TMCC2: variants seen among roughly 807,000 people sequenced by gnomAD.
TMCC2 encodes the protein transmembrane and coiled-coil domains protein 2.
TMCC2 carries 16 observed loss-of-function variants against 49.4 expected under a neutral mutation model. The ratio of observed to expected loss-of-function variants is 0.32; its 90% CI spans 0.22 to 0.49. The LOEUF (loss-of-function observed/expected upper bound fraction) is 0.49, where lower values mean the gene tolerates loss of function less well. Ranked by LOEUF, TMCC2 falls within the 20% of genes least tolerant of loss-of-function variation. The pLI is 0.99. For synonymous variants in TMCC2, 397 were observed against 434.1 expected (o/e 0.91, Z 1.06); for missense variants, 762 against 989.8 (o/e 0.77, Z 3.09).
chr1:205,270,676 C>T (rs1020508565), intron 3 of TMCC2, among the ~76,000 whole-genome samples: 3 of 152,226 alleles, frequency 2.0e-5, no homozygotes, highest in Admixed American at 2.0e-4. Context: ...TTTGTGCCTT[C>T]AGAGCCGGGA....
intron 1 of TMCC2, chr1:205,230,309 C>A: frequency 2.2e-6 from 1 of 445,694 alleles, no homozygotes; most frequent in Non-Finnish European, 3.0e-6. Flanking sequence ...CTGGTTCTGC[C>A]GCCGTCCTTT....
At chr1:205,263,787 T>C (rs1661212563) in intron 2 of TMCC2, among the ~76,000 whole-genome samples, 1 of 152,194 alleles carries the variant, frequency 6.6e-6, no homozygotes, top group Non-Finnish European at 1.5e-5. Flanking sequence ...CTGTGGTTGA[T>C]AACCACTGAT....
chr1:205,243,065 C>T (rs1401166862), intron 2 of TMCC2, among the ~76,000 whole-genome samples: 3 of 152,284 alleles, frequency 2.0e-5, no homozygotes, highest in Non-Finnish European at 2.9e-5. Flanking sequence ...ACTGGCAGGA[C>T]GAGGTTCCTC....
intron 1 of TMCC2, 135 bp downstream of exon 1, chr1:205,228,906 T>G (rs1413941278): frequency 7.0e-7 from 1 of 1,437,172 alleles, no homozygotes; most frequent in Non-Finnish European, 9.1e-7. Flanking sequence ...GATGCTTTGC[T>G]GGCACCCCAG....
In TMCC2 at chr1:205,232,979, CAAAAAACAACAACCGAAAAAAAAAA is replaced by C. The variant is rs1291360033; in HGVS notation, c.207+4216_207+4240del. 6.8e-5 allele frequency among the ~76,000 whole-genome samples: 5 copies of C among 73,724 alleles called. No individual in the cohort carries two copies. The East Asian group carries it at 1.9e-3, about 28-fold the overall frequency. 48.4% of individuals were successfully genotyped at this position (73,724 alleles called of 152,430 possible). A position where few individuals can be genotyped will look rare whatever the true frequency, so the allele number is the denominator to read the frequency against. On this transcript the variant is annotated intron_variant, in intron 1 of 4. Coordinates refer to ENST00000358024, the MANE Select transcript of TMCC2 (RefSeq NM_014858.4). ...AAAAAAACACAAAAAAACACACACA[CAAAAAACAACAACCGAAAAAAAAAA>C]AAAAAACCACAACGTGTGGTAGATA...
intron 2 of TMCC2, among the ~76,000 whole-genome samples, chr1:205,263,417 A>G (rs989355364): frequency 6.6e-6 from 1 of 152,182 alleles, no homozygotes; most frequent in African/African-American, 2.4e-5. Context: ...GGCCGAGTGC[A>G]GCTTGGCTCA....
chr1:205,256,272 C>G, intron 2 of TMCC2: 1 of 1,542,116 alleles, frequency 6.5e-7, no homozygotes, highest in Non-Finnish European at 8.7e-7. Context: ...AGAGATCCAG[C>G]AGGCCCCAGG....
intron 2 of TMCC2, chr1:205,257,283 C>T (rs1410122596): frequency 1.4e-5 from 17 of 1,232,170 alleles, no homozygotes; most frequent in Admixed American, 4.2e-5. Flanking sequence ...CCCCGGGGGC[C>T]TGACACAGTC....
chr1:205,245,448 G>T (rs983674426), intron 2 of TMCC2, among the ~76,000 whole-genome samples: 1 of 152,172 alleles, frequency 6.6e-6, no homozygotes, highest in Admixed American at 6.5e-5. Context: ...ACATTTGGGG[G>T]ATGTGAGGCC....
Position 205,228,365 on chromosome 1 carries a change from A to G in TMCC2, c.-200A>G, listed in dbSNP as rs113745983. 547 of 534,144 alleles carry G rather than the reference A, an allele frequency of 1.0e-3. No homozygotes were observed. The highest frequency in any genetic ancestry group is 1.4e-3 in the Non-Finnish European group (422 of 298,752). The allele number at this position is 534,144 out of a possible 1,614,324, so 33.1% of individuals were successfully genotyped here. The stretch of plus-strand genomic sequence containing the variant: ...AGGTCGAAATGAACTATTCCAAGCT[A>G]TAACCAAGGCTCCCCCTTCTCGCCC... On this transcript the variant is annotated 5_prime_UTR_variant, in exon 1 of 5. Transcript: ENST00000358024.
intron 2 of TMCC2, among the ~76,000 whole-genome samples, chr1:205,252,658 A>G (rs1293760323): frequency 3.3e-5 from 5 of 152,220 alleles, no homozygotes; most frequent in African/African-American, 9.6e-5. Flanking sequence ...CCTCACTGGC[A>G]GATTTTCACA....
At chr1:205,248,978 C>T (rs775952664) in intron 2 of TMCC2, among the ~76,000 whole-genome samples, 3 of 152,182 alleles carry the variant, frequency 2.0e-5, no homozygotes, top group South Asian at 2.1e-4. Context: ...AGAAGCAGCA[C>T]GGGGCAGAGC....
chr1:205,246,426 G>C, intron 2 of TMCC2: 2 of 1,260,004 alleles, frequency 1.6e-6, no homozygotes, highest in Non-Finnish European at 2.1e-6. Context: ...GGAGTTCTGG[G>C]GAGAGATCCA....
chr1:205,235,904 C>A (rs1206450577), intron 1 of TMCC2, among the ~76,000 whole-genome samples: 1 of 151,956 alleles, frequency 6.6e-6, no homozygotes, highest in African/African-American at 2.4e-5. Flanking sequence ...CCCGTCTCTA[C>A]TAAAAATACA....
intron 2 of TMCC2, among the ~76,000 whole-genome samples, chr1:205,266,167 G>A (rs1441984890): frequency 1.3e-5 from 2 of 151,466 alleles, no homozygotes; most frequent in East Asian, 2.0e-4. Context: ...CGTGAACCCC[G>A]GAGGCGGAGC....
intron 2 of TMCC2, among the ~76,000 whole-genome samples, chr1:205,251,346 G>T (rs1660662147): frequency 6.6e-6 from 1 of 152,166 alleles, no homozygotes; most frequent in Non-Finnish European, 1.5e-5. Context: ...GGCCAACCTA[G>T]AGGCCTCCTG....
chr1:205,264,490 G>A lies in TMCC2; in HGVS notation c.748-4460G>A, dbSNP rs1558655783. On this transcript the variant is annotated intron_variant, in intron 2 of 4. Transcript: ENST00000358024. The surrounding 1 kb of genome is among the most constrained non-coding windows in gnomAD (Gnocchi z 4.2). ...CATGCCACCACACTCAGTTAATTTTGTTTTTTTTTTTTGGGACGGAGTCTC... is the reference window on the plus strand; with the variant it reads ...CATGCCACCACACTCAGTTAATTTTATTTTTTTTTTTTGGGACGGAGTCTC... Among the ~76,000 whole-genome samples the A allele has an allele frequency of 1.4e-5, 2 of 139,880 alleles. No individual in the cohort carries two copies. The highest frequency in any genetic ancestry group is 3.1e-5 in the Non-Finnish European group (2 of 64,270). 91.8% of individuals were successfully genotyped at this position (139,880 alleles called of 152,430 possible). A position where few individuals can be genotyped will look rare whatever the true frequency, so the allele number is the denominator to read the frequency against.
chr1:205,271,731 T>G (rs1367345454), intron 4 of TMCC2, 82 bp from the exon 5 acceptor site: 25 of 1,521,884 alleles, frequency 1.6e-5, no homozygotes, highest in Non-Finnish European at 2.2e-5. Flanking sequence ...TATAGGCACC[T>G]TCTCAGTGGG....
chr1:205,247,252 A>G (rs1406797246), intron 2 of TMCC2, among the ~76,000 whole-genome samples: 1 of 152,138 alleles, frequency 6.6e-6, no homozygotes, highest in Non-Finnish European at 1.5e-5. Flanking sequence ...CTAGAGGAAA[A>G]GAGACTGCTT....
Sources: allele counts gnomAD v4.1 joint callset (sites outside exome capture counted in the v4.1 genomes callset), GRCh38; gene constraint gnomAD v4.1.1; non-coding constraint Gnocchi (gnomAD v3.1); transcripts MANE v1.5; gene names NCBI Gene and HGNC (gene_info 2026-07-23, HGNC 2026-07-21).